MARCHF1: variants seen among roughly 807,000 people sequenced by gnomAD.
The protein encoded by MARCHF1 is membrane associated ring-CH-type finger 1.
MARCHF1 carries 40 observed loss-of-function variants against 54.2 expected under a neutral mutation model. That is an observed-to-expected ratio of 0.74 (90% CI 0.57 to 0.96). The LOEUF (loss-of-function observed/expected upper bound fraction) is 0.96, where lower values mean the gene tolerates loss of function less well. Ranked by LOEUF, MARCHF1 falls within the 40% of genes least tolerant of loss-of-function variation. The pLI is 0.00. For synonymous variants in MARCHF1, 236 were observed against 236.3 expected (o/e 1.00, Z 0.01); for missense variants, 586 against 656.5 (o/e 0.89, Z 1.17).
chr4:163,802,829 T>C (rs1748118951), intron 4 of MARCHF1, among the ~76,000 whole-genome samples: 1 of 152,236 alleles, frequency 6.6e-6, no homozygotes, highest in Non-Finnish European at 1.5e-5. Flanking sequence ...TCAAGGTATC[T>C]AGGTGCTTTG....
At chr4:163,685,458 T>A (rs1744237651) in intron 5 of MARCHF1, among the ~76,000 whole-genome samples, 1 of 152,206 alleles carries the variant, frequency 6.6e-6, no homozygotes, top group Non-Finnish European at 1.5e-5. Context: ...ATTTTATTTT[T>A]ATTTTTATTG....
chr4:164,033,276 A>G (rs1193065142), intron 2 of MARCHF1, among the ~76,000 whole-genome samples: 1 of 152,146 alleles, frequency 6.6e-6, no homozygotes, highest in East Asian at 1.9e-4. Context: ...AAATTAGCTC[A>G]AGATGGATTA....
intron 3 of MARCHF1, among the ~76,000 whole-genome samples, chr4:163,894,560 CAT>C (rs768108317): frequency 1.3e-4 from 15 of 116,336 alleles, no homozygotes; most frequent in East Asian, 1.2e-3. Context: ...CCTGCACATG[CAT>C]ATATATATAT....
intron 1 of MARCHF1, among the ~76,000 whole-genome samples, chr4:164,174,681 AAGGG>A (rs751813014): frequency 5.6e-4 from 85 of 152,310 alleles, no homozygotes; most frequent in South Asian, 2.1e-3. Context: ...TTAAAGGTGC[AAGGG>A]AACGTAATCT....
intron 3 of MARCHF1, among the ~76,000 whole-genome samples, chr4:163,887,917 T>C (rs1373481668): frequency 6.6e-6 from 1 of 152,174 alleles, no homozygotes; most frequent in Non-Finnish European, 1.5e-5. Flanking sequence ...ATCCCTTCTT[T>C]TATTTCCATT....
rs543730190 is a variant in MARCHF1 at position 163,641,284 on chromosome 4, T to C, written c.163-27891A>G. ...CAGTTTAATTTTGATTGACAACGCA[T>C]AGGGAAATCAAATAAGAATACTATA... On this transcript the variant is annotated intron_variant, in intron 5 of 9. Transcript: ENST00000514618. 1.3e-3 allele frequency among the ~76,000 whole-genome samples: 194 copies of C among 152,124 alleles called. 1 individual carries two copies. Among genetic ancestry groups the C allele is most frequent in the African/African-American group, 4.6e-3 (190 of 41,518 alleles).
At chr4:163,630,640 C>A (rs947764065) in intron 5 of MARCHF1, among the ~76,000 whole-genome samples, 2 of 151,872 alleles carry the variant, frequency 1.3e-5, no homozygotes, top group African/African-American at 4.8e-5. Context: ...CTATAGTGTG[C>A]AAAATGGATT....
chr4:164,382,686 A>G (rs1561027350), intron 1 of MARCHF1, among the ~76,000 whole-genome samples: 1 of 152,142 alleles, frequency 6.6e-6, no homozygotes, highest in African/African-American at 2.4e-5. Context: ...CTTCCTTGTG[A>G]TCTGAAAATT....
At chr4:163,856,546 T>C (rs1749771434) in intron 3 of MARCHF1, among the ~76,000 whole-genome samples, 1 of 152,204 alleles carries the variant, frequency 6.6e-6, no homozygotes, top group South Asian at 2.1e-4. Context: ...ATGTAGAATC[T>C]ATGAAAACAA....
At chr4:164,070,403 T>A (rs763448204) in intron 2 of MARCHF1, among the ~76,000 whole-genome samples, 2 of 152,124 alleles carry the variant, frequency 1.3e-5, no homozygotes, top group Non-Finnish European at 2.9e-5. Flanking sequence ...TTTAAAAGGA[T>A]CCTTACCTAG....
intron 8 of MARCHF1, among the ~76,000 whole-genome samples, chr4:163,559,411 A>G (rs1253484186): frequency 6.6e-6 from 1 of 152,184 alleles, no homozygotes; most frequent in African/African-American, 2.4e-5. Flanking sequence ...GAAAGTAGAA[A>G]GGAAGGTTCC....
chr4:164,260,719 T>C (rs1733437649), intron 1 of MARCHF1, among the ~76,000 whole-genome samples: 1 of 152,174 alleles, frequency 6.6e-6, no homozygotes, highest in South Asian at 2.1e-4. Flanking sequence ...ACCTACAAAA[T>C]CGAATTGTAT....
chr4:164,366,443 A>G (rs1355087508), intron 1 of MARCHF1, among the ~76,000 whole-genome samples: 1 of 151,958 alleles, frequency 6.6e-6, no homozygotes, highest in Non-Finnish European at 1.5e-5. Flanking sequence ...ATAACTTAAT[A>G]TTGTATTTTT....
chr4:164,298,375 A>T (rs963678505), intron 1 of MARCHF1, among the ~76,000 whole-genome samples: 1 of 151,524 alleles, frequency 6.6e-6, no homozygotes, highest in African/African-American at 2.4e-5. Context: ...GTAGGTTACA[A>T]CAAAAAAAAA....
At chr4:163,891,416 T>G (rs1177964553) in intron 3 of MARCHF1, among the ~76,000 whole-genome samples, 1 of 152,164 alleles carries the variant, frequency 6.6e-6, no homozygotes, top group African/African-American at 2.4e-5. Context: ...ATGTTCTGTT[T>G]TCTCATTTTA....
intron 2 of MARCHF1, among the ~76,000 whole-genome samples, chr4:164,096,775 T>C (rs1205127273): frequency 6.6e-6 from 1 of 152,160 alleles, no homozygotes; most frequent in Admixed American, 6.5e-5. Flanking sequence ...TTAATAAAAC[T>C]GTGCATTATT....
intron 1 of MARCHF1, among the ~76,000 whole-genome samples, chr4:164,232,327 G>A (rs528901211): frequency 1.3e-5 from 2 of 152,112 alleles, no homozygotes; most frequent in African/African-American, 2.4e-5. Flanking sequence ...TTATTCCTGC[G>A]ACTGTAACTG....
rs138090619 is a variant in MARCHF1 at position 164,061,844 on chromosome 4, A to G, written c.-248+49744T>C. Among the ~76,000 whole-genome samples, 150 of 152,286 alleles carry G rather than the reference A, an allele frequency of 9.8e-4. 4 individuals carry two copies. The East Asian group carries it at 0.027, about 27-fold the overall frequency. Reference sequence around the variant, plus strand: ...CAATCTTTTTGCTGGTGGACAATCTATCCCTGATGTTAATGGATGCTGACC... The same window carrying G: ...CAATCTTTTTGCTGGTGGACAATCTGTCCCTGATGTTAATGGATGCTGACC... On this transcript the variant is annotated intron_variant, in intron 2 of 9. Transcript: ENST00000514618.
chr4:163,614,152 TA>T (rs1192143904), intron 5 of MARCHF1, among the ~76,000 whole-genome samples: 7 of 152,148 alleles, frequency 4.6e-5, no homozygotes, highest in African/African-American at 1.4e-4. Flanking sequence ...GATAATTTTC[TA>T]TGTTCCAGGC....
Sources: gnomAD v4.1 joint callset for allele counts (sites outside exome capture counted in the v4.1 genomes callset) on GRCh38, gnomAD v4.1.1 for gene constraint, MANE v1.5 for transcripts, NCBI Gene and HGNC (gene_info 2026-07-23, HGNC 2026-07-21) for gene names.